The following SUMF1 variants were observed in gnomAD, a reference collection of about 807,000 sequenced individuals.
The protein encoded by SUMF1 is sulfatase modifying factor 1.
A neutral mutation model predicts 47.6 loss-of-function variants in SUMF1; 48 were observed. The ratio of observed to expected loss-of-function variants is 1.01; its 90% CI spans 0.80 to 1.28. The LOEUF is 1.28. SUMF1 is among the 50% of genes most tolerant of loss of function. The pLI is 0.00. For missense variants in SUMF1, 571 were observed against 485.4 expected, an observed-to-expected ratio of 1.18 and a Z score of -1.66; for synonymous variants, 230 against 192.1, an observed-to-expected ratio of 1.20 and a Z score of -1.63.
chr3:4,062,616 G>A (rs1248834896), intron 9 of SUMF1, among the ~76,000 whole-genome samples: 1 of 152,098 alleles, frequency 6.6e-6, no homozygotes, highest in East Asian at 1.9e-4. Flanking sequence ...AGAGAGGAAT[G>A]AGCGCAATGT....
At chr3:4,066,618 T>C (rs1365233220) in intron 9 of SUMF1, among the ~76,000 whole-genome samples, 1 of 152,120 alleles carries the variant, frequency 6.6e-6, no homozygotes, top group Non-Finnish European at 1.5e-5. Context: ...TACTCTTTCT[T>C]AATTTCTGTT....
intron 8 of SUMF1, among the ~76,000 whole-genome samples, chr3:4,172,198 A>G (rs1015668755): frequency 1.3e-5 from 2 of 152,220 alleles, no homozygotes; most frequent in African/African-American, 2.4e-5. Flanking sequence ...ATAGAAGTTG[A>G]TTGAACTTTG....
intron 8 of SUMF1, among the ~76,000 whole-genome samples, chr3:4,168,344 T>G (rs952676865): frequency 3.3e-5 from 5 of 152,266 alleles, no homozygotes; most frequent in Admixed American, 6.5e-5. Flanking sequence ...TGACACAGAT[T>G]TGCCCAAGGA....
chr3:4,286,306 TA>T (rs1220605364), intron 8 of SUMF1, among the ~76,000 whole-genome samples: 1 of 152,074 alleles, frequency 6.6e-6, no homozygotes, highest in African/African-American at 2.4e-5. Flanking sequence ...TTGCATGTTA[TA>T]AACATGAGTT....
intron 7 of SUMF1, among the ~76,000 whole-genome samples, chr3:4,377,888 C>G (rs1023115110): frequency 3.9e-5 from 6 of 152,104 alleles, no homozygotes; most frequent in African/African-American, 1.4e-4. Flanking sequence ...CGGGACAACC[C>G]CACTCCTATC....
intron 8 of SUMF1, among the ~76,000 whole-genome samples, chr3:4,303,130 G>T (rs1025449714): frequency 6.6e-6 from 1 of 152,162 alleles, no homozygotes; most frequent in Non-Finnish European, 1.5e-5. Flanking sequence ...AAAAACTAAA[G>T]CACCTCACTT....
chr3:4,339,488 C>T (rs181285504), intron 8 of SUMF1, among the ~76,000 whole-genome samples: 6 of 152,246 alleles, frequency 3.9e-5, no homozygotes, highest in African/African-American at 1.4e-4. Flanking sequence ...GCTCTGAAGC[C>T]AAGGCAGCTT....
intron 3 of SUMF1, among the ~76,000 whole-genome samples, chr3:4,438,897 G>A (rs964925458): frequency 6.6e-5 from 10 of 152,110 alleles, no homozygotes; most frequent in African/African-American, 1.2e-4. Context: ...CCCCTGGTAG[G>A]TGCTAAAGAC....
intron 8 of SUMF1, among the ~76,000 whole-genome samples, chr3:4,113,066 A>T (rs1002576814): frequency 6.6e-6 from 1 of 152,192 alleles, no homozygotes; most frequent in African/African-American, 2.4e-5. Context: ...AATGAGATTT[A>T]AAAATAATTG....
intron 8 of SUMF1, among the ~76,000 whole-genome samples, chr3:4,366,863 G>C (rs377651905): frequency 2.6e-5 from 4 of 152,066 alleles, no homozygotes; most frequent in African/African-American, 4.8e-5. Context: ...TACTTTTGGT[G>C]TTTGATGATG....
At chr3:4,437,358 TTAAC>T (rs1413201028) in intron 3 of SUMF1, among the ~76,000 whole-genome samples, 14 of 151,990 alleles carry the variant, frequency 9.2e-5, no homozygotes, top group Admixed American at 5.2e-4. Flanking sequence ...TTAAAATTGA[TTAAC>T]TACTAAATGA....
chr3:4,190,388 G>C lies in SUMF1; in HGVS notation c.1015-121643C>G, dbSNP rs955969919. 2.0e-5 allele frequency among the ~76,000 whole-genome samples: 3 copies of C among 152,088 alleles called. No homozygotes were observed. The South Asian group carries it at 6.2e-4, about 32-fold the overall frequency. On this transcript the variant is annotated intron_variant and NMD_transcript_variant, in intron 8 of 12. Transcript: ENST00000448413. Reference sequence around the variant, plus strand: ...CCACGTAGGCTTGCATTACTATAAAGAGTACAGAAGCAAAAGAATTATTAT... The same window carrying C: ...CCACGTAGGCTTGCATTACTATAAACAGTACAGAAGCAAAAGAATTATTAT...
At chr3:4,098,810 G>T (rs966834119) in intron 8 of SUMF1, among the ~76,000 whole-genome samples, 10 of 152,120 alleles carry the variant, frequency 6.6e-5, no homozygotes, top group African/African-American at 2.4e-4. Flanking sequence ...AAAACTGCCA[G>T]AAAACCATAG....
chr3:4,259,526 T>G lies in SUMF1; in HGVS notation c.1014+116804A>C, dbSNP rs142075812. On this transcript the variant is annotated intron_variant and NMD_transcript_variant, in intron 8 of 12. Coordinates refer to the SUMF1 transcript ENST00000448413. ...AAATATTTGGATTCGATGTGGGATA[T>G]AAGGCTTTTGGGGATTGTAGTTTGG... Among the ~76,000 whole-genome samples the G allele has an allele frequency of 5.8e-3, 880 of 152,288 alleles. 7 individuals are homozygous for G. The highest frequency in any genetic ancestry group is 0.019 in the African/African-American group (801 of 41,574).
chr3:4,092,785 A>G (rs1190715491), intron 8 of SUMF1, among the ~76,000 whole-genome samples: 1 of 152,162 alleles, frequency 6.6e-6, no homozygotes, highest in African/African-American at 2.4e-5. Flanking sequence ...ATTGATAAGA[A>G]AATTGTTGCA....
chr3:4,057,167 C>G (rs1354840118), intron 9 of SUMF1, among the ~76,000 whole-genome samples: 1 of 152,090 alleles, frequency 6.6e-6, no homozygotes, highest in Non-Finnish European at 1.5e-5. Context: ...AGAGGGGCAA[C>G]AAGGGTAGCA....
At chr3:4,399,074 T>C (rs1028047948) in intron 7 of SUMF1, among the ~76,000 whole-genome samples, 7 of 152,064 alleles carry the variant, frequency 4.6e-5, no homozygotes, top group Non-Finnish European at 7.4e-5. Flanking sequence ...ATCAGGAATA[T>C]TTTGAGGATA....
chr3:4,257,758 C>G (rs1213245957), intron 8 of SUMF1, among the ~76,000 whole-genome samples: 1 of 151,964 alleles, frequency 6.6e-6, no homozygotes, highest in Non-Finnish European at 1.5e-5. Context: ...TTGGAAAAAA[C>G]TACTTTAAAG....
chr3:4,312,404 T>C (rs1219599055), intron 8 of SUMF1, among the ~76,000 whole-genome samples: 3 of 152,038 alleles, frequency 2.0e-5, no homozygotes, highest in African/African-American at 7.2e-5. Flanking sequence ...GAGAAAAAAA[T>C]AGTATTTTTC....
Sources: allele counts gnomAD v4.1 joint callset (sites outside exome capture counted in the v4.1 genomes callset), GRCh38; gene constraint gnomAD v4.1.1; transcripts MANE v1.5; gene names NCBI Gene and HGNC (gene_info 2026-07-23, HGNC 2026-07-21).